The following P2RX3 variants were observed in gnomAD, a reference collection of about 807,000 sequenced individuals.
P2RX3 encodes P2X purinoceptor 3.
In P2RX3, 41 loss-of-function variants were observed where a neutral mutation model predicts 51.5. The observed-to-expected ratio is 0.80, with a 90% CI of 0.62 to 1.03. The LOEUF (loss-of-function observed/expected upper bound fraction) is 1.03, where lower values mean the gene tolerates loss of function less well. Ranked by LOEUF, P2RX3 falls within the 50% of genes least tolerant of loss-of-function variation. P2RX3 has a pLI of 0.00. For synonymous variants in P2RX3, 185 were observed against 191.6 expected, an observed-to-expected ratio of 0.97 and a Z score of 0.29; for missense variants, 459 against 522.1, an observed-to-expected ratio of 0.88 and a Z score of 1.18.
chr11:57,337,236 G>A (rs1856240462), upstream of P2RX3, among the ~76,000 whole-genome samples: 1 of 144,176 alleles, frequency 6.9e-6, no homozygotes, highest in African/African-American at 2.6e-5. Flanking sequence ...AGGTTGCAGT[G>A]AGCTGAGATT....
intron 1 of P2RX3, chr11:57,340,793 G>A (rs762934799): frequency 6.6e-6 from 1 of 152,444 alleles, no homozygotes; most frequent in Non-Finnish European, 1.5e-5. Flanking sequence ...GTTTTCTGGA[G>A]ATGTGACATT....
At chr11:57,341,985 G>A (rs978058119) in intron 1 of P2RX3, among the ~76,000 whole-genome samples, 8 of 152,048 alleles carry the variant, frequency 5.3e-5, no homozygotes, top group Non-Finnish European at 1.0e-4. Context: ...AAAGGGAGGA[G>A]CTGCTCTGGT....
chr11:57,355,758 AC>A (rs1483851019), intron 8 of P2RX3, among the ~76,000 whole-genome samples: 2 of 152,200 alleles, frequency 1.3e-5, no homozygotes, highest in Non-Finnish European at 2.9e-5. Flanking sequence ...CCAGGCCTGC[AC>A]CCTTTGCAGG....
Position 57,338,510 on chromosome 11 carries a change from A to T in P2RX3, c.-41A>T. The T allele has an allele frequency of 6.8e-7, 1 of 1,462,798 alleles. No individual in the cohort carries two copies. Among genetic ancestry groups the T allele is most frequent in the South Asian group, 1.2e-5 (1 of 82,342 alleles). The allele number at this position is 1,462,798 out of a possible 1,614,324, so 90.6% of individuals were successfully genotyped here. ...AGGACCTCCCTCTCCTGAGGCCACC[A>T]CTGGGCCCCCTTCTGAGTGTCCCCT... On this transcript the variant is annotated 5_prime_UTR_variant, in exon 1 of 12. Coordinates refer to ENST00000263314, the MANE Select transcript of P2RX3 (RefSeq NM_002559.5).
chr11:57,350,498 G>T, intron 7 of P2RX3: 1 of 381,308 alleles, frequency 2.6e-6, no homozygotes, highest in South Asian at 3.3e-5. Context: ...TAGCCAGGAT[G>T]GTCTCGATCT....
Position 57,347,411 on chromosome 11 carries a change from A to G in P2RX3, c.328-4A>G. Reference sequence around the variant, plus strand: ...TCACCAACCTGTGACCCGTCTGCCCACAGAGTGAGGAGAAATACCGCTGTG... The same window carrying G: ...TCACCAACCTGTGACCCGTCTGCCCGCAGAGTGAGGAGAAATACCGCTGTG... On this transcript the variant is annotated splice_region_variant and splice_polypyrimidine_tract_variant and intron_variant, in intron 3 of 11. Transcript: ENST00000263314. 1.9e-6 allele frequency: 3 copies of G among 1,558,722 alleles called. No homozygotes were observed. Among genetic ancestry groups the G allele is most frequent in the Non-Finnish European group, 2.6e-6 (3 of 1,150,726 alleles).
At chr11:57,356,916 A>G (rs987619138) in intron 8 of P2RX3, among the ~76,000 whole-genome samples, 5 of 152,204 alleles carry the variant, frequency 3.3e-5, no homozygotes, top group Non-Finnish European at 7.3e-5. Context: ...TCTCACAGCA[A>G]CCAGTATTAT....
At chr11:57,357,114 C>G (rs1856642835) in intron 8 of P2RX3, among the ~76,000 whole-genome samples, 1 of 152,014 alleles carries the variant, frequency 6.6e-6, no homozygotes, top group African/African-American at 2.4e-5. Flanking sequence ...TTCAGGAGTT[C>G]AAGACTGTCC....
At chr11:57,363,813 A>G (rs2134444458) in intron 8 of P2RX3, among the ~76,000 whole-genome samples, 1 of 151,884 alleles carries the variant, frequency 6.6e-6, no homozygotes, top group South Asian at 2.1e-4. Flanking sequence ...CTGGGCCCAC[A>G]CTCCCTGAGC....
At chr11:57,350,728 G>C (rs200854727) in intron 7 of P2RX3, 34 bp from the exon 8 acceptor site, 768 of 1,611,330 alleles carry the variant, frequency 4.8e-4, no homozygotes, top group Non-Finnish European at 5.7e-4. Flanking sequence ...GTCAGAGGGC[G>C]AGGGGAAAGC....
In P2RX3 at chr11:57,348,344, G is replaced by T. The variant is rs779958349; in HGVS notation, c.485+81G>T. On this transcript the variant is annotated intron_variant, in intron 5 of 11. Transcript: ENST00000263314. ...CCATGTGGGAGCCGTGCGTCTCTGAGCTTGAGGAGGGTCTGTGGCTTTCTC... is the reference window on the plus strand; with the variant it reads ...CCATGTGGGAGCCGTGCGTCTCTGATCTTGAGGAGGGTCTGTGGCTTTCTC... 318 of 1,295,240 alleles carry T rather than the reference G, an allele frequency of 2.5e-4. 1 individual carries two copies. The highest frequency in any genetic ancestry group is 7.2e-4 in the Admixed American group (32 of 44,752). 80.2% of individuals were successfully genotyped at this position (1,295,240 alleles called of 1,614,324 possible).
Position 57,368,395 on chromosome 11 carries a change from C to A in P2RX3, c.960C>A (p.Pro320=), listed in dbSNP as rs1590643927. The A allele has an allele frequency of 7.4e-6, 12 of 1,614,198 alleles. No homozygotes were observed. Among genetic ancestry groups the A allele is most frequent in the Non-Finnish European group, 1.0e-5 (12 of 1,180,028 alleles). Residue 320 remains proline, a synonymous_variant, in exon 10 of 12, where the codon CCC becomes CCA. Coordinates refer to ENST00000263314, the MANE Select transcript of P2RX3 (RefSeq NM_002559.5). ...AGGCTGGCAAGTTCAACATCATCCCCACCATCATCAGCTCTGTGGCGGCCT... is the reference window on the plus strand; with the variant it reads ...AGGCTGGCAAGTTCAACATCATCCCAACCATCATCAGCTCTGTGGCGGCCT... The part of the protein sequence containing the change: ...YGNAGKFNII[P]TIISSVAAFT...
Position 57,370,043 on chromosome 11 carries a change from C to T in P2RX3, c.*46C>T, listed in dbSNP as rs753463300. 7.4e-7 allele frequency: 1 copy of T among 1,360,036 alleles called. No homozygotes were observed. The highest frequency in any genetic ancestry group is 1.8e-5 in the Admixed American group (1 of 54,762). 84.2% of individuals were successfully genotyped at this position (1,360,036 alleles called of 1,614,324 possible). A position where few individuals can be genotyped will look rare whatever the true frequency, so the allele number is the denominator to read the frequency against. On this transcript the variant is annotated 3_prime_UTR_variant, in exon 12 of 12. Transcript: ENST00000263314. ...CACTCACAAAGGCTCCAGGCCTCCCCACAGAGGACCCTGCCTGAGCAAGGG... is the reference window on the plus strand; with the variant it reads ...CACTCACAAAGGCTCCAGGCCTCCCTACAGAGGACCCTGCCTGAGCAAGGG...
rs1199683751 is a variant in P2RX3, at chr11:57,371,848, T to A, written c.*1851T>A. Among the ~76,000 whole-genome samples, 1 of 152,138 alleles carries A rather than the reference T, an allele frequency of 6.6e-6. No homozygotes were observed. Among genetic ancestry groups the A allele is most frequent in the Non-Finnish European group, 1.5e-5 (1 of 68,014 alleles). ...TGGGAGGCTGGGGTCACAGGGATTCTCTCTAATGGGGAGATGGAGGCAGTG... is the reference window on the plus strand; with the variant it reads ...TGGGAGGCTGGGGTCACAGGGATTCACTCTAATGGGGAGATGGAGGCAGTG... On this transcript the variant is annotated 3_prime_UTR_variant, in exon 12 of 12. Coordinates refer to ENST00000263314, the MANE Select transcript of P2RX3 (RefSeq NM_002559.5).
intron 6 of P2RX3, 90 bp from the exon 7 acceptor site, chr11:57,349,667 C>A: frequency 1.3e-6 from 2 of 1,537,434 alleles, no homozygotes; most frequent in Non-Finnish European, 8.9e-7. Context: ...CAGATCCCCC[C>A]TAGGCCTGGG....
At chr11:57,348,509 T>G in intron 5 of P2RX3, 118 bp from the exon 6 acceptor site, 1 of 848,558 alleles carries the variant, frequency 1.2e-6, no homozygotes, top group Non-Finnish European at 1.9e-6. Context: ...CAAAGTGCCC[T>G]TTATCTATAA....
At chr11:57,355,629 C>T (rs1455680324) in intron 8 of P2RX3, among the ~76,000 whole-genome samples, 2 of 152,186 alleles carry the variant, frequency 1.3e-5, no homozygotes, top group East Asian at 3.9e-4. Context: ...GCGTGAGCTA[C>T]CACGCCTAGC....
chr11:57,358,045 G>A (rs1856657467), intron 8 of P2RX3, among the ~76,000 whole-genome samples: 1 of 152,176 alleles, frequency 6.6e-6, no homozygotes, highest in Non-Finnish European at 1.5e-5. Context: ...ACCACTCGAT[G>A]AGAGGATGGA....
chr11:57,366,319 G>A (rs1590641960), intron 8 of P2RX3, among the ~76,000 whole-genome samples: 2 of 152,270 alleles, frequency 1.3e-5, no homozygotes, highest in East Asian at 1.9e-4. Flanking sequence ...CCCACCATAG[G>A]CATCTACAAA....
Sources: allele counts gnomAD v4.1 joint callset (sites outside exome capture counted in the v4.1 genomes callset), GRCh38; gene constraint gnomAD v4.1.1; transcripts MANE v1.5; gene names NCBI Gene and HGNC (gene_info 2026-07-23, HGNC 2026-07-21).